EXOC6B: variants seen among roughly 807,000 people sequenced by gnomAD.
EXOC6B encodes the protein exocyst complex component 6B, also known as SEC15 homolog B.
A neutral mutation model predicts 113.5 loss-of-function variants in EXOC6B; 54 were observed. The ratio of observed to expected loss-of-function variants is 0.48; its 90% CI spans 0.38 to 0.60. The LOEUF is 0.60. EXOC6B is among the 20% of genes least tolerant of loss of function. The pLI is 0.00. For synonymous variants in EXOC6B, 357 were observed against 339.0 expected (o/e 1.05, Z -0.58); for missense variants, 797 against 977.5 (o/e 0.82, Z 2.46).
intron 20 of EXOC6B, among the ~76,000 whole-genome samples, chr2:72,269,744 A>T (rs2104621507): frequency 6.6e-6 from 1 of 152,266 alleles, no homozygotes; most frequent in Admixed American, 6.5e-5. Context: ...TTTGAGCATT[A>T]GTGTCTTCAT....
At chr2:72,601,521 T>C (rs1259173982) in intron 6 of EXOC6B, among the ~76,000 whole-genome samples, 1 of 152,182 alleles carries the variant, frequency 6.6e-6, no homozygotes, top group Non-Finnish European at 1.5e-5. Context: ...CAATAACAAA[T>C]GCTGATGAGG....
chr2:72,182,982 A>G, intron 21 of EXOC6B: 1 of 1,041,440 alleles, frequency 9.6e-7, no homozygotes, highest in Non-Finnish European at 1.2e-6. Flanking sequence ...TGACGTGGTC[A>G]GGAGAAAACT....
intron 17 of EXOC6B, among the ~76,000 whole-genome samples, chr2:72,475,666 GA>G (rs1220063170): frequency 1.3e-5 from 2 of 152,142 alleles, no homozygotes; most frequent in Non-Finnish European, 2.9e-5. Flanking sequence ...GCAATCCCTA[GA>G]AAAGTAAAAT....
chr2:72,753,682 C>T (rs1682203618), intron 1 of EXOC6B, among the ~76,000 whole-genome samples: 1 of 152,156 alleles, frequency 6.6e-6, no homozygotes, highest in African/African-American at 2.4e-5. Flanking sequence ...TCCAAAGTCC[C>T]TAGCATAGTA....
intron 20 of EXOC6B, among the ~76,000 whole-genome samples, chr2:72,230,424 A>G (rs1681544017): frequency 6.6e-6 from 1 of 152,222 alleles, no homozygotes; most frequent in Admixed American, 6.5e-5. Flanking sequence ...GCATATCACT[A>G]TCTTTTTGCA....
intron 11 of EXOC6B, among the ~76,000 whole-genome samples, chr2:72,508,163 C>CAAAAAAAAAAAAAAAAAAAAAA (rs67586747): frequency 1.7e-5 from 1 of 57,550 alleles, no homozygotes; most frequent in African/African-American, 1.3e-4. Flanking sequence ...ATATTACCCG[C>CAAAAAAAAAAAAAAAAAAAAAA]AAAAAAAAAA....
At chr2:72,491,439 T>C (rs1014124626) in intron 16 of EXOC6B, among the ~76,000 whole-genome samples, 1 of 152,240 alleles carries the variant, frequency 6.6e-6, no homozygotes, top group South Asian at 2.1e-4. Flanking sequence ...ACATTTTAAA[T>C]GTCAATTTTT....
chr2:72,198,851 C>T (rs1679324738), intron 20 of EXOC6B, among the ~76,000 whole-genome samples: 2 of 152,316 alleles, frequency 1.3e-5, no homozygotes, highest in Non-Finnish European at 2.9e-5. Context: ...CAGATGACTA[C>T]TAATCTGGGG....
intron 19 of EXOC6B, among the ~76,000 whole-genome samples, chr2:72,342,618 A>G (rs533932813): frequency 1.2e-4 from 19 of 152,248 alleles, no homozygotes; most frequent in Non-Finnish European, 2.8e-4. Flanking sequence ...CCATTTTGGT[A>G]AAGAGAATGG....
intron 6 of EXOC6B, among the ~76,000 whole-genome samples, chr2:72,580,645 C>CA (rs1440131300): frequency 6.6e-6 from 1 of 152,160 alleles, no homozygotes; most frequent in Non-Finnish European, 1.5e-5. Context: ...CATCAGCAAC[C>CA]AGTTCTGAAC....
chr2:72,309,253 T>C lies in EXOC6B; in HGVS notation c.2196+25694A>G, dbSNP rs953857237. ...GAAGTAGAGCTTAGAAAGAGGAGAA[T>C]GATTTGGCTACTATAGGGGATTAAT... is the stretch of plus-strand genomic sequence containing the variant. On this transcript the variant is annotated intron_variant, in intron 20 of 21. Coordinates refer to ENST00000272427, the MANE Select transcript of EXOC6B (RefSeq NM_015189.3). Among the ~76,000 whole-genome samples, 6 of 152,234 alleles carry C rather than the reference T, an allele frequency of 3.9e-5. No homozygotes were observed. In the South Asian group the frequency reaches 6.2e-4, roughly 16 times the overall value.
chr2:72,342,919 C>T (rs1689115354), intron 19 of EXOC6B, among the ~76,000 whole-genome samples: 1 of 152,128 alleles, frequency 6.6e-6, no homozygotes, highest in Non-Finnish European at 1.5e-5. Context: ...GATATCTGCA[C>T]TCCCGTGTTC....
chr2:72,589,482 T>G (rs1447932291), intron 6 of EXOC6B, among the ~76,000 whole-genome samples: 1 of 151,852 alleles, frequency 6.6e-6, no homozygotes, highest in African/African-American at 2.4e-5. Context: ...AAACAGTCAG[T>G]AGTATGTACT....
At chr2:72,471,651 A>G (rs978996086) in intron 17 of EXOC6B, among the ~76,000 whole-genome samples, 2 of 152,152 alleles carry the variant, frequency 1.3e-5, no homozygotes, top group African/African-American at 4.8e-5. Flanking sequence ...ATCAGCAAAG[A>G]AGGACAATTT....
chr2:72,344,967 A>G (rs928749510), intron 19 of EXOC6B, among the ~76,000 whole-genome samples: 2 of 152,042 alleles, frequency 1.3e-5, no homozygotes, highest in Non-Finnish European at 2.9e-5. Flanking sequence ...AGCAGCATTC[A>G]ACAATCAGAA....
At chr2:72,422,029 G>C (rs1051897948) in intron 18 of EXOC6B, among the ~76,000 whole-genome samples, 2 of 152,216 alleles carry the variant, frequency 1.3e-5, no homozygotes, top group African/African-American at 4.8e-5. Flanking sequence ...CCGGTGCTGC[G>C]CTCGATTTCT....
intron 20 of EXOC6B, among the ~76,000 whole-genome samples, chr2:72,247,021 A>G (rs1682706518): frequency 6.6e-6 from 1 of 152,182 alleles, no homozygotes; most frequent in African/African-American, 2.4e-5. Flanking sequence ...TTCTTTGCCT[A>G]TAGAGGAAAA....
chr2:72,671,781 AAGAAAGAAAG>A lies in EXOC6B; in HGVS notation c.669+46312_669+46321del, dbSNP rs1323187024. On this transcript the variant is annotated intron_variant, in intron 6 of 21. Transcript: ENST00000272427. The stretch of plus-strand genomic sequence containing the variant: ...AAAGAAAGAAAGAAAGAAAGAAAGA[AAGAAAGAAAG>A]AAAGAAAGAAAGAAAGAAAGAAAGA... 9.1e-4 allele frequency among the ~76,000 whole-genome samples: 113 copies of A among 124,066 alleles called. 1 individual carries two copies. The highest frequency in any genetic ancestry group is 3.4e-3 in the African/African-American group (88 of 25,620). 81.4% of individuals were successfully genotyped at this position (124,066 alleles called of 152,430 possible).
chr2:72,592,268 C>T (rs573784150), intron 6 of EXOC6B, among the ~76,000 whole-genome samples: 1 of 152,208 alleles, frequency 6.6e-6, no homozygotes, highest in East Asian at 1.9e-4. Flanking sequence ...AGGGCATTTG[C>T]CAATATTGGA....
Sources: gnomAD v4.1 joint callset for allele counts (sites outside exome capture counted in the v4.1 genomes callset) on GRCh38, gnomAD v4.1.1 for gene constraint, MANE v1.5 for transcripts, NCBI Gene and HGNC (gene_info 2026-07-23, HGNC 2026-07-21) for gene names.